ELOVL7: variants seen among roughly 807,000 people sequenced by gnomAD.
ELOVL7 encodes the protein ELOVL fatty acid elongase 7.
In ELOVL7, 27 loss-of-function variants were observed where a neutral mutation model predicts 35.7. The ratio of observed to expected loss-of-function variants is 0.76; its 90% CI spans 0.56 to 1.04. The LOEUF (loss-of-function observed/expected upper bound fraction) is 1.04. Ranked by LOEUF, ELOVL7 falls within the 50% of genes least tolerant of loss-of-function variation. The pLI is 0.00. For missense variants in ELOVL7, 327 were observed against 340.8 expected (o/e 0.96, Z 0.32); for synonymous variants, 113 against 114.6 (o/e 0.99, Z 0.09).
At chr5:60,775,433 C>T (rs1476068740) in intron 3 of ELOVL7, among the ~76,000 whole-genome samples, 1 of 150,180 alleles carries the variant, frequency 6.7e-6, no homozygotes, top group African/African-American at 2.5e-5. Flanking sequence ...AATGCTATTC[C>T]TATCAAATTA....
intron 1 of ELOVL7, among the ~76,000 whole-genome samples, chr5:60,814,895 G>A (rs1249357534): frequency 6.6e-6 from 1 of 152,168 alleles, no homozygotes; most frequent in East Asian, 1.9e-4. Context: ...AAAATACAGG[G>A]CTGGAGACTC....
chr5:60,807,882 C>A (rs1055530225), intron 1 of ELOVL7, among the ~76,000 whole-genome samples: 2 of 150,666 alleles, frequency 1.3e-5, no homozygotes, highest in African/African-American at 4.9e-5. Context: ...ACCTGTAGTC[C>A]CAGCTACTTG....
chr5:60,789,108 G>C (rs1270084357), intron 2 of ELOVL7, among the ~76,000 whole-genome samples: 1 of 152,142 alleles, frequency 6.6e-6, no homozygotes, highest in African/African-American at 2.4e-5. Context: ...CATAGTAGAA[G>C]ACTTTTATAA....
chr5:60,752,638 T>C lies in ELOVL7; in HGVS notation c.*1986A>G, dbSNP rs1005923980. On this transcript the variant is annotated 3_prime_UTR_variant, in exon 9 of 9. Transcript: ENST00000508821. ...TTCATTTAGCTGTGCTCTTTTGTCC[T>C]TCATTCTTTATTTTCTAAAAATATA... The C allele has an allele frequency of 6.6e-6, 1 of 152,594 alleles. No homozygotes were observed. Among genetic ancestry groups the C allele is most frequent in the Non-Finnish European group, 1.5e-5 (1 of 68,040 alleles). 9.5% of individuals were successfully genotyped at this position (152,594 alleles called of 1,614,324 possible).
intron 1 of ELOVL7, among the ~76,000 whole-genome samples, chr5:60,813,168 C>T (rs984264076): frequency 4.6e-5 from 7 of 152,302 alleles, no homozygotes; most frequent in African/African-American, 1.4e-4. Context: ...CCTTCACAGG[C>T]GTTAATGGCT....
At chr5:60,821,654 T>C (rs78866268) in intron 1 of ELOVL7, among the ~76,000 whole-genome samples, 1,641 of 152,344 alleles carry the variant, frequency 0.011, 13 homozygotes, top group Middle Eastern at 0.024. Context: ...TCTTCTACCA[T>C]GGCATCTATA....
intron 2 of ELOVL7, among the ~76,000 whole-genome samples, chr5:60,791,111 G>C (rs1194247385): frequency 6.6e-6 from 1 of 152,036 alleles, no homozygotes; most frequent in Non-Finnish European, 1.5e-5. Flanking sequence ...CAAGTAGCTG[G>C]GACTACCAAA....
At chr5:60,815,638 G>A (rs1370903271) in intron 1 of ELOVL7, among the ~76,000 whole-genome samples, 1 of 151,970 alleles carries the variant, frequency 6.6e-6, no homozygotes, top group Non-Finnish European at 1.5e-5. Flanking sequence ...CACGATCTCA[G>A]CTCACTGCAA....
intron 3 of ELOVL7, among the ~76,000 whole-genome samples, chr5:60,778,393 G>A (rs980689286): frequency 7.2e-5 from 11 of 152,148 alleles, no homozygotes; most frequent in South Asian, 2.1e-4. Context: ...AGAAATACCC[G>A]AGACTGGGTA....
intron 4 of ELOVL7, 124 bp downstream of exon 4, chr5:60,771,779 C>T: frequency 1.4e-6 from 1 of 689,932 alleles, no homozygotes; most frequent in Non-Finnish European, 2.4e-6. Flanking sequence ...AATACCTGCT[C>T]TAGTGAGATC....
intron 4 of ELOVL7, among the ~76,000 whole-genome samples, chr5:60,770,718 A>T (rs988466904): frequency 6.6e-6 from 1 of 150,672 alleles, no homozygotes. Flanking sequence ...TATTTTTTTT[A>T]TTTTTATTTT....
At chr5:60,803,317 G>T (rs1044417107) in intron 1 of ELOVL7, among the ~76,000 whole-genome samples, 1 of 152,192 alleles carries the variant, frequency 6.6e-6, no homozygotes, top group African/African-American at 2.4e-5. Context: ...GAAGAAGGAA[G>T]GTTGAGAGAC....
intron 7 of ELOVL7, among the ~76,000 whole-genome samples, chr5:60,763,583 G>C (rs1343832126): frequency 6.6e-6 from 1 of 151,694 alleles, no homozygotes; most frequent in Admixed American, 6.6e-5. Context: ...CTGTATAATA[G>C]GATAAAATTA....
intron 3 of ELOVL7, among the ~76,000 whole-genome samples, chr5:60,783,640 C>G (rs1306320909): frequency 1.3e-5 from 2 of 152,136 alleles, no homozygotes; most frequent in African/African-American, 4.8e-5. Flanking sequence ...ACACTGCACC[C>G]ACAGCTACTT....
rs968872299 is a variant in ELOVL7, at chr5:60,789,917, C to G, written c.-34-2486G>C. Among the ~76,000 whole-genome samples, 3 of 152,138 alleles carry G rather than the reference C, an allele frequency of 2.0e-5. No individual in the cohort carries two copies. The South Asian group carries it at 6.2e-4, about 32-fold the overall frequency. On this transcript the variant is annotated intron_variant, in intron 2 of 8. Transcript: ENST00000508821. ...GTTTGGGAGGCTGAGGTGGGCAGAT[C>G]ATCTGAGGTCAGGAGTTCGAGACTA...
intron 4 of ELOVL7, among the ~76,000 whole-genome samples, chr5:60,770,282 G>T (rs1028248888): frequency 1.3e-5 from 2 of 152,112 alleles, no homozygotes; most frequent in Non-Finnish European, 2.9e-5. Context: ...ATATATTTGG[G>T]TACATTACAC....
intron 3 of ELOVL7, among the ~76,000 whole-genome samples, chr5:60,783,926 G>T (rs1743410062): frequency 6.6e-6 from 1 of 152,114 alleles, no homozygotes; most frequent in African/African-American, 2.4e-5. Flanking sequence ...ATCAGATTTG[G>T]TTTAAGTGTC....
At chr5:60,769,031 C>T (rs545466929) in intron 4 of ELOVL7, among the ~76,000 whole-genome samples, 60 of 152,250 alleles carry the variant, frequency 3.9e-4, no homozygotes, top group African/African-American at 1.4e-3. Context: ...TTATAAAATG[C>T]AACATTCTTT....
At chr5:60,834,213 C>T (rs1746651319) in intron 1 of ELOVL7, among the ~76,000 whole-genome samples, 1 of 152,046 alleles carries the variant, frequency 6.6e-6, no homozygotes, top group Non-Finnish European at 1.5e-5. Context: ...ATGATCTCGG[C>T]TAACTGCAAG....
Sources: gnomAD v4.1 joint callset for allele counts (sites outside exome capture counted in the v4.1 genomes callset) on GRCh38, gnomAD v4.1.1 for gene constraint, MANE v1.5 for transcripts, NCBI Gene and HGNC (gene_info 2026-07-23, HGNC 2026-07-21) for gene names.